ABL1: variants seen among roughly 807,000 people sequenced by gnomAD.
The protein encoded by ABL1 is ABL proto-oncogene 1, non-receptor tyrosine kinase, also known as tyrosine-protein kinase ABL1.
A neutral mutation model predicts 94.7 loss-of-function variants in ABL1; 11 were observed. The observed-to-expected ratio is 0.12, with a 90% confidence interval of 0.07 to 0.19. The LOEUF (loss-of-function observed/expected upper bound fraction) is 0.19, where lower values mean the gene tolerates loss of function less well. ABL1 is among the 10% of genes least tolerant of loss of function. The pLI is 1.00. For missense variants in ABL1, 1,082 were observed against 1,489.4 expected, an observed-to-expected ratio of 0.73 and a Z score of 4.50; for synonymous variants, 656 against 622.4, an observed-to-expected ratio of 1.05 and a Z score of -0.80.
rs1446600415 is a variant in ABL1 at position 130,876,979 on chromosome 9, C to T, written c.1271-1436C>T. On this transcript the variant is annotated intron_variant, in intron 7 of 10. Transcript: ENST00000318560. The stretch of plus-strand genomic sequence containing the variant: ...GTCTCGATCTCCGGACTTCGTGATC[C>T]GCCCACCTTGGCCTCCCAAAGTGCA... Among the ~76,000 whole-genome samples the T allele has an allele frequency of 2.7e-5, 4 of 147,662 alleles. 1 individual carries two copies. The highest frequency in any genetic ancestry group is 7.8e-5 in the African/African-American group (3 of 38,520).
intron 1 of ABL1, among the ~76,000 whole-genome samples, chr9:130,719,527 A>G (rs1831489286): frequency 1.3e-5 from 2 of 152,178 alleles, no homozygotes; most frequent in African/African-American, 4.8e-5. Flanking sequence ...GTGAGACTCC[A>G]TCTCAAAATA....
intron 1 of ABL1, among the ~76,000 whole-genome samples, chr9:130,823,047 C>T (rs187971006): frequency 2.6e-5 from 4 of 152,096 alleles, no homozygotes; most frequent in South Asian, 2.1e-4. Flanking sequence ...CCTCCCACCT[C>T]GGCCTCCCAA....
At chr9:130,846,868 G>C (rs917038762) in intron 1 of ABL1, among the ~76,000 whole-genome samples, 1 of 152,158 alleles carries the variant, frequency 6.6e-6, no homozygotes, top group East Asian at 1.9e-4. Context: ...CTTTGAGAAA[G>C]GATTATTTTT....
At chr9:130,726,660 G>A (rs1831590548) in intron 1 of ABL1, among the ~76,000 whole-genome samples, 1 of 151,858 alleles carries the variant, frequency 6.6e-6, no homozygotes, top group Non-Finnish European at 1.5e-5. Flanking sequence ...TTTTTGTAGA[G>A]ATAGGGTCTT....
At chr9:130,837,087 C>T (rs1270143356) in intron 1 of ABL1, among the ~76,000 whole-genome samples, 1 of 152,212 alleles carries the variant, frequency 6.6e-6, no homozygotes, top group East Asian at 1.9e-4. Context: ...CCTCACTCCT[C>T]TTCTGTCTCT....
Position 130,885,432 on chromosome 9 carries a change from G to C in ABL1, c.3142G>C (p.Glu1048Gln), listed in dbSNP as rs769953778. 1 of 1,613,608 alleles carries C rather than the reference G, an allele frequency of 6.2e-7. No individual in the cohort carries two copies. The highest frequency in any genetic ancestry group is 1.3e-5 in the African/African-American group (1 of 74,944). ...GTGCCTCGCCATCTCTAGGAACTCC[G>C]AGCAGATGGCCAGCCACAGCGCAGT... is the stretch of plus-strand genomic sequence containing the variant. The part of the protein sequence containing the change: ...ALCLAISRNS[E>Q]QMASHSAVLE... Residue 1048 changes from glutamate to glutamine, a missense_variant, in exon 11 of 11, where the codon GAG becomes CAG. By Grantham distance (29) the Glu-to-Gln change is conservative (BLOSUM62 2). This residue lies in a region of ABL1 where 780 missense variants were observed against 835.8 expected (regional missense o/e 0.93). Transcript: ENST00000318560.
intron 1 of ABL1, among the ~76,000 whole-genome samples, chr9:130,845,314 C>T (rs1410201212): frequency 7.2e-5 from 11 of 151,964 alleles, no homozygotes; most frequent in Non-Finnish European, 1.6e-4. Flanking sequence ...ATCCTAACTC[C>T]TATCCCCATC....
At chr9:130,846,707 C>T (rs1003484764) in intron 1 of ABL1, among the ~76,000 whole-genome samples, 13 of 152,232 alleles carry the variant, frequency 8.5e-5, no homozygotes, top group Non-Finnish European at 1.8e-4. Context: ...CCCCCTTGGG[C>T]TGTGAAGTAG....
At chr9:130,779,627 A>G (rs1164835403) in intron 1 of ABL1, among the ~76,000 whole-genome samples, 3 of 152,148 alleles carry the variant, frequency 2.0e-5, no homozygotes, top group Admixed American at 6.5e-5. Context: ...CTGGATTGGC[A>G]ATGGTATGTT....
chr9:130,828,324 C>T (rs1372750534), intron 1 of ABL1, among the ~76,000 whole-genome samples: 1 of 1,376 alleles, frequency 7.3e-4, no homozygotes, highest in Non-Finnish European at 1.1e-3. Context: ...CTCAGCCTCC[C>T]CCCAAAGGGC....
chr9:130,885,565 A>G lies in ABL1; in HGVS notation c.3275A>G (p.Asn1092Ser), dbSNP rs1239769546. The G allele has an allele frequency of 6.2e-7, 1 of 1,614,080 alleles. No individual in the cohort carries two copies. The part of the protein sequence containing the change: ...AFREAINKLE[N>S]NLRELQICPA... ...CGAGAGGCCATCAACAAACTGGAGA[A>G]TAATCTCCGGGAGCTTCAGATCTGC... The change falls in exon 11 of 11, where the codon AAT becomes AGT. Residue 1092 changes from asparagine to serine, a missense_variant. Asn to Ser is a conservative substitution (Grantham distance 46). Around this residue, in one of 7 missense-constraint regions of ABL1, gnomAD observed 780 missense variants for 835.8 expected, o/e 0.93. Coordinates refer to ENST00000318560, the MANE Select transcript of ABL1 (RefSeq NM_005157.6).
intron 1 of ABL1, among the ~76,000 whole-genome samples, chr9:130,789,345 G>A (rs748748409): frequency 6.6e-6 from 1 of 152,236 alleles, no homozygotes; most frequent in Non-Finnish European, 1.5e-5. Flanking sequence ...CCACATGGGT[G>A]TAGAAACTGG....
At chr9:130,733,726 C>T (rs1831696867) in intron 1 of ABL1, among the ~76,000 whole-genome samples, 2 of 151,464 alleles carry the variant, frequency 1.3e-5, no homozygotes, top group Non-Finnish European at 2.9e-5. Context: ...CTACAGGCGC[C>T]CGCCACCGCG....
rs560465446 is a variant in ABL1 at position 130,807,532 on chromosome 9, G to T, written c.137-46532G>T. Among the ~76,000 whole-genome samples the T allele has an allele frequency of 2.0e-4, 30 of 151,878 alleles. No individual in the cohort carries two copies. In the South Asian group the frequency reaches 6.3e-3, roughly 32 times the overall value. On this transcript the variant is annotated intron_variant, in intron 1 of 10. Transcript: ENST00000372348. ...TGGGATTACAGGCTTAAGCTACCAC[G>T]CCTGGTCTTCTAATAGAATTTTTAA...
rs1460456213 is a variant in ABL1 at position 130,748,580 on chromosome 9, T to A, written c.136+34125T>A. On this transcript the variant is annotated intron_variant, in intron 1 of 10. Transcript: ENST00000372348. ...GGCGTGAGCCACCATGCCTAGCTAC[T>A]TTTTTTTTTTTTTGAGACGGAGTCT... Among the ~76,000 whole-genome samples, 85 of 145,694 alleles carry A rather than the reference T, an allele frequency of 5.8e-4. No individual in the cohort carries two copies. In the East Asian group the frequency reaches 7.5e-3, roughly 13 times the overall value.
At chr9:130,854,002 T>C (rs1482811244) in intron 1 of ABL1, 62 bp from the exon 2 acceptor site, 1 of 1,523,838 alleles carries the variant, frequency 6.6e-7, no homozygotes, top group African/African-American at 1.4e-5. Context: ...AGAATAAAAC[T>C]AATTTTTTCT....
chr9:130,880,205 A>G lies in ABL1; in HGVS notation c.1513+48A>G, dbSNP rs752744100. The stretch of plus-strand genomic sequence containing the variant: ...CCTGCAGTGGGGTGAAAGGGCAGCC[A>G]TGTGGGACTGCAGCCTGGGTCATTC... On this transcript the variant is annotated intron_variant, in intron 9 of 10. Coordinates refer to ENST00000318560, the MANE Select transcript of ABL1 (RefSeq NM_005157.6). The surrounding 1 kb of genome is among the most constrained non-coding windows in gnomAD (Gnocchi z 4.4). 1.3e-6 allele frequency: 2 copies of G among 1,562,902 alleles called. No individual in the cohort carries two copies. Among genetic ancestry groups the G allele is most frequent in the Non-Finnish European group, 1.8e-6 (2 of 1,133,472 alleles).
chr9:130,734,502 A>C (rs1223754183), intron 1 of ABL1, among the ~76,000 whole-genome samples: 3 of 144,554 alleles, frequency 2.1e-5, no homozygotes, highest in Non-Finnish European at 4.5e-5. Context: ...GGTGTGAGCC[A>C]CTGCGCCTGG....
At chr9:130,738,084 C>A (rs1011802978) in intron 1 of ABL1, among the ~76,000 whole-genome samples, 3 of 152,098 alleles carry the variant, frequency 2.0e-5, no homozygotes, top group African/African-American at 7.2e-5. Context: ...CCCACCTCCA[C>A]CTCCCAAAGT....
Sources: gnomAD v4.1 joint callset for allele counts (sites outside exome capture counted in the v4.1 genomes callset) on GRCh38, gnomAD v4.1.1 for gene constraint, gnomAD v4.1.1 regional missense constraint, Gnocchi (gnomAD v3.1) non-coding constraint, MANE v1.5 for transcripts, NCBI Gene and HGNC (gene_info 2026-07-23, HGNC 2026-07-21) for gene names.